MED13L: variants seen among roughly 807,000 people sequenced by gnomAD.
MED13L encodes mediator complex subunit 13L.
In MED13L, 7 loss-of-function variants were observed where a neutral mutation model predicts 220.9. The observed-to-expected ratio is 0.03, with a 90% CI of 0.02 to 0.06. The LOEUF is 0.06. MED13L is among the 10% of genes least tolerant of loss of function. MED13L has a pLI of 1.00. For missense variants in MED13L, 1,965 were observed against 2,760.5 expected (o/e 0.71, Z 6.46); for synonymous variants, 1,011 against 1,015.2 (o/e 1.00, Z 0.08).
intron 4 of MED13L, among the ~76,000 whole-genome samples, chr12:116,029,216 A>G (rs150433714): frequency 2.0e-5 from 3 of 148,632 alleles, no homozygotes; most frequent in African/African-American, 7.5e-5. Flanking sequence ...TCTATTCTAA[A>G]AAGGGATTGG....
At chr12:116,116,514 T>A (rs1874533942) in intron 2 of MED13L, among the ~76,000 whole-genome samples, 1 of 152,074 alleles carries the variant, frequency 6.6e-6, no homozygotes, top group African/African-American at 2.4e-5. Flanking sequence ...CCCTTTGTAA[T>A]AAACCAGTAA....
intron 4 of MED13L, among the ~76,000 whole-genome samples, chr12:116,059,845 G>C (rs1212723156): frequency 1.3e-5 from 2 of 152,062 alleles, no homozygotes; most frequent in African/African-American, 4.8e-5. Context: ...AATGGATTAA[G>C]AGTAAAAAAC....
intron 2 of MED13L, among the ~76,000 whole-genome samples, chr12:116,180,535 C>A (rs1880443360): frequency 6.6e-6 from 1 of 152,088 alleles, no homozygotes; most frequent in Non-Finnish European, 1.5e-5. Flanking sequence ...CTGAAAAAAT[C>A]CAAAGTCCCA....
chr12:116,173,062 C>T (rs1281125946), intron 2 of MED13L, among the ~76,000 whole-genome samples: 3 of 148,726 alleles, frequency 2.0e-5, no homozygotes, highest in Non-Finnish European at 3.0e-5. Context: ...ATACACCTTG[C>T]TTATTTTAGG....
rs925776289 is a variant in MED13L at position 115,966,317 on chromosome 12, C to T, written c.6226-74G>A. 3.3e-6 allele frequency: 5 copies of T among 1,503,164 alleles called. No homozygotes were observed. In the African/African-American group the frequency reaches 6.9e-5, roughly 21 times the overall value. 93.1% of individuals were successfully genotyped at this position (1,503,164 alleles called of 1,614,324 possible). A position where few individuals can be genotyped will look rare whatever the true frequency, so the allele number is the denominator to read the frequency against. ...TGAAAAATGAACTTTCATCAGTTCA[C>T]TCTGCACACTGCAGTGAGTGATCCC... On this transcript the variant is annotated intron_variant, in intron 28 of 30. Transcript: ENST00000281928.
intron 1 of MED13L, among the ~76,000 whole-genome samples, chr12:116,268,067 A>C (rs1450998700): frequency 2.0e-5 from 3 of 152,258 alleles, no homozygotes; most frequent in African/African-American, 7.2e-5. Context: ...GGAATGGAGA[A>C]TAATCGTCCA....
chr12:116,055,879 T>C (rs61939678), intron 4 of MED13L, among the ~76,000 whole-genome samples: 9,399 of 150,936 alleles, frequency 0.062, 385 homozygotes, highest in Middle Eastern at 0.099. Context: ...TGGGCGACAG[T>C]GAGACTCCCC....
At chr12:116,171,148 A>G (rs974147964) in intron 2 of MED13L, among the ~76,000 whole-genome samples, 5 of 152,242 alleles carry the variant, frequency 3.3e-5, no homozygotes, top group African/African-American at 9.6e-5. Flanking sequence ...AACGGTCGAA[A>G]AGACCCACCC....
At chr12:116,008,221 T>G in intron 10 of MED13L, 180 bp downstream of exon 10, 2 of 781,254 alleles carry the variant, frequency 2.6e-6, no homozygotes, top group Non-Finnish European at 3.9e-6. Flanking sequence ...TCAAATGACA[T>G]GTGTGCTAAC....
intron 2 of MED13L, among the ~76,000 whole-genome samples, chr12:116,224,501 C>T (rs189627604): frequency 6.6e-6 from 1 of 152,316 alleles, no homozygotes; most frequent in Admixed American, 6.5e-5. Context: ...TGTATATACT[C>T]TCTCTTCTAC....
At chr12:116,009,677 A>T (rs1323060925) in intron 9 of MED13L, among the ~76,000 whole-genome samples, 1 of 152,230 alleles carries the variant, frequency 6.6e-6, no homozygotes, top group African/African-American at 2.4e-5. Flanking sequence ...TATACTAGAA[A>T]CTTTATGTGC....
At chr12:116,027,203 G>A (rs892527933) in intron 4 of MED13L, among the ~76,000 whole-genome samples, 16 of 152,104 alleles carry the variant, frequency 1.1e-4, no homozygotes, top group African/African-American at 3.9e-4. Context: ...TGGGCAGATC[G>A]CTGAGCTCAG....
intron 2 of MED13L, among the ~76,000 whole-genome samples, chr12:116,154,032 A>G (rs948777431): frequency 6.6e-6 from 1 of 152,250 alleles, no homozygotes; most frequent in African/African-American, 2.4e-5. Flanking sequence ...TCTTGTAGCA[A>G]TAGCAGAAAT....
At chr12:116,223,788 C>A (rs1868678550) in intron 2 of MED13L, among the ~76,000 whole-genome samples, 1 of 152,094 alleles carries the variant, frequency 6.6e-6, no homozygotes, top group Non-Finnish European at 1.5e-5. Flanking sequence ...AAAAAGAATT[C>A]AATGCATCAA....
chr12:116,246,244 T>C (rs990014782), intron 1 of MED13L, among the ~76,000 whole-genome samples: 4 of 147,994 alleles, frequency 2.7e-5, no homozygotes, highest in South Asian at 2.1e-4. Flanking sequence ...AGGAAGCTAC[T>C]GGGTGTGTAC....
In MED13L at chr12:115,991,689, T is replaced by C; in HGVS notation, c.3265A>G (p.Thr1089Ala). 12 of 1,613,912 alleles carry C rather than the reference T, an allele frequency of 7.4e-6. No homozygotes were observed. Among genetic ancestry groups the C allele is most frequent in the Non-Finnish European group, 1.0e-5 (12 of 1,179,950 alleles). Residue 1089 changes from threonine (T) to alanine (A), a missense_variant, in exon 17 of 31, where the codon ACA becomes GCA. Physicochemically the swap from Thr to Ala is moderately conservative, Grantham distance 58. This residue lies in a region of MED13L where 233 missense variants were observed against 306.2 expected (regional missense o/e 0.76). Coordinates refer to ENST00000281928, the MANE Select transcript of MED13L (RefSeq NM_015335.5). The surrounding 1 kb of genome is among the most constrained non-coding windows in gnomAD (Gnocchi z 7.7). ...QGSPASTPST[T>A]RPLNSVEPAT... Reference sequence around the variant, plus strand: ...GGCTCCACAGAGTTGAGGGGCCGTGTAGTAGAGGGGGTGGAGGCTGGTGAT... The same window carrying C: ...GGCTCCACAGAGTTGAGGGGCCGTGCAGTAGAGGGGGTGGAGGCTGGTGAT...
At chr12:116,106,328 G>A (rs1304707862) in intron 3 of MED13L, among the ~76,000 whole-genome samples, 3 of 152,018 alleles carry the variant, frequency 2.0e-5, no homozygotes, top group African/African-American at 4.8e-5. Flanking sequence ...AACAAAGAAC[G>A]AAAAATGCAG....
chr12:116,111,959 T>G (rs1874127661), intron 2 of MED13L, among the ~76,000 whole-genome samples: 1 of 152,184 alleles, frequency 6.6e-6, no homozygotes, highest in South Asian at 2.1e-4. Context: ...AAGTGTGAGA[T>G]TTACACAAAT....
chr12:116,088,632 T>C (rs1214146427), intron 4 of MED13L, among the ~76,000 whole-genome samples: 1 of 150,516 alleles, frequency 6.6e-6, no homozygotes, highest in East Asian at 2.0e-4. Context: ...ATAAAAGAAG[T>C]AAAGAAATTT....
Sources: gnomAD v4.1 joint callset for allele counts (sites outside exome capture counted in the v4.1 genomes callset) on GRCh38, gnomAD v4.1.1 for gene constraint, gnomAD v4.1.1 regional missense constraint, Gnocchi (gnomAD v3.1) non-coding constraint, MANE v1.5 for transcripts, NCBI Gene and HGNC (gene_info 2026-07-23, HGNC 2026-07-21) for gene names.